The following FOXJ3 variants were observed in gnomAD, a reference collection of about 807,000 sequenced individuals.
The protein encoded by FOXJ3 is forkhead box protein J3.
In FOXJ3, 22 loss-of-function variants were observed where a neutral mutation model predicts 76.1. The observed-to-expected ratio is 0.29, with a 90% CI of 0.21 to 0.41. The LOEUF (loss-of-function observed/expected upper bound fraction) is 0.41. Ranked by LOEUF, FOXJ3 falls within the 10% of genes least tolerant of loss-of-function variation. The pLI, the probability that FOXJ3 is intolerant of heterozygous loss-of-function variation, is 1.00. For synonymous variants in FOXJ3, 269 were observed against 261.2 expected (o/e 1.03, Z -0.29); for missense variants, 613 against 762.1 (o/e 0.80, Z 2.30).
chr1:42,179,937 T>C, intron 12 of FOXJ3, 112 bp from the exon 13 acceptor site: 1 of 693,960 alleles, frequency 1.4e-6, no homozygotes, highest in Admixed American at 2.2e-5. Flanking sequence ...TCTCACTAAT[T>C]CAACCATAAG....
intron 2 of FOXJ3, among the ~76,000 whole-genome samples, chr1:42,279,122 A>G (rs1175537797): frequency 6.6e-6 from 1 of 152,190 alleles, no homozygotes; most frequent in East Asian, 1.9e-4. Context: ...CAAATTACCA[A>G]AAAGTAAGGT....
intron 4 of FOXJ3, among the ~76,000 whole-genome samples, chr1:42,230,815 G>C (rs1173590787): frequency 6.6e-6 from 1 of 151,966 alleles, no homozygotes; most frequent in African/African-American, 2.4e-5. Flanking sequence ...AAATTAAACA[G>C]AATTACCAAA....
intron 4 of FOXJ3, among the ~76,000 whole-genome samples, chr1:42,229,195 A>G (rs1044334598): frequency 6.6e-6 from 1 of 152,176 alleles, no homozygotes; most frequent in Non-Finnish European, 1.5e-5. Flanking sequence ...GCCATACCCA[A>G]GAATTCATCA....
rs538155379 is a variant in FOXJ3, at chr1:42,270,058, G to C, written c.370-4869C>G. Among the ~76,000 whole-genome samples the C allele has an allele frequency of 2.0e-4, 31 of 152,254 alleles. No individual in the cohort carries two copies. In the South Asian group the frequency reaches 5.6e-3, roughly 28 times the overall value. ...AGCCCCCAAAGACTCTTCATGATCT[G>C]ACCCTATCTTGCTTTCAACATTCAT... On this transcript the variant is annotated intron_variant, in intron 3 of 12. Coordinates refer to ENST00000361346, the MANE Select transcript of FOXJ3 (RefSeq NM_014947.5).
In FOXJ3 at chr1:42,179,049, A is replaced by T. The variant is rs1377856493; in HGVS notation, c.*661T>A. 2.6e-5 allele frequency: 4 copies of T among 152,620 alleles called. No homozygotes were observed. The highest frequency in any genetic ancestry group is 5.9e-5 in the Non-Finnish European group (4 of 68,046). 9.5% of individuals were successfully genotyped at this position (152,620 alleles called of 1,614,324 possible). ...AATACTCTATGATCCCCCAAGCATC[A>T]AAACCAATTTGGTCAGTTCTTCATG... On this transcript the variant is annotated 3_prime_UTR_variant, in exon 13 of 13. Coordinates refer to ENST00000361346, the MANE Select transcript of FOXJ3 (RefSeq NM_014947.5).
At chr1:42,221,793 C>T (rs1016847170) in intron 5 of FOXJ3, among the ~76,000 whole-genome samples, 1 of 149,404 alleles carries the variant, frequency 6.7e-6, no homozygotes, top group Non-Finnish European at 1.5e-5. Flanking sequence ...GCTTGCAAGC[C>T]CAAATTAAAA....
At chr1:42,287,826 T>G (rs978913275) in intron 2 of FOXJ3, among the ~76,000 whole-genome samples, 1 of 152,072 alleles carries the variant, frequency 6.6e-6, no homozygotes, top group Non-Finnish European at 1.5e-5. Flanking sequence ...TAGTCAAGTG[T>G]GGTAGTGTGT....
chr1:42,231,090 G>A (rs567473190), intron 4 of FOXJ3, among the ~76,000 whole-genome samples: 205 of 152,076 alleles, frequency 1.3e-3, no homozygotes, highest in African/African-American at 4.1e-3. Context: ...CAAGGCAGGC[G>A]GATCACAAGG....
rs1385627912 is a variant in FOXJ3 at position 42,257,463 on chromosome 1, C to T, written c.444+7652G>A. Among the ~76,000 whole-genome samples, 8 of 152,150 alleles carry T rather than the reference C, an allele frequency of 5.3e-5. 1 individual carries two copies. The South Asian group carries it at 8.3e-4, about 16-fold the overall frequency. On this transcript the variant is annotated intron_variant, in intron 4 of 12. Transcript: ENST00000361346. ...GTGCACAGCGGCTCACACCTGTAAT[C>T]TCAGCACTTTGGGAGGCCAACGCGG...
At chr1:42,266,579 C>T (rs1182871439) in intron 3 of FOXJ3, among the ~76,000 whole-genome samples, 1 of 152,078 alleles carries the variant, frequency 6.6e-6, no homozygotes, top group African/African-American at 2.4e-5. Context: ...GGGGCTGTCA[C>T]TTTAGAGCAA....
intron 6 of FOXJ3, among the ~76,000 whole-genome samples, chr1:42,201,324 A>G (rs1407513275): frequency 1.3e-5 from 2 of 152,226 alleles, no homozygotes; most frequent in Non-Finnish European, 2.9e-5. Context: ...TCCATACCTC[A>G]AAGAGAAAGT....
At chr1:42,260,780 A>G (rs1650972916) in intron 4 of FOXJ3, among the ~76,000 whole-genome samples, 1 of 152,218 alleles carries the variant, frequency 6.6e-6, no homozygotes, top group Non-Finnish European at 1.5e-5. Context: ...CTCTATGGTC[A>G]CTGAGGCTTT....
intron 1 of FOXJ3, among the ~76,000 whole-genome samples, chr1:42,320,912 T>A (rs1032815804): frequency 9.2e-5 from 14 of 152,168 alleles, no homozygotes; most frequent in African/African-American, 3.1e-4. Context: ...GGCATTTGAT[T>A]CATGTGCTTT....
At chr1:42,295,869 T>C (rs1198960785) in intron 2 of FOXJ3, among the ~76,000 whole-genome samples, 2 of 152,204 alleles carry the variant, frequency 1.3e-5, no homozygotes, top group Non-Finnish European at 2.9e-5. Context: ...TTTGGGCAGA[T>C]ACCCCCAGTA....
At chr1:42,285,138 T>C (rs1192242505) in intron 2 of FOXJ3, among the ~76,000 whole-genome samples, 1 of 152,154 alleles carries the variant, frequency 6.6e-6, no homozygotes, top group Non-Finnish European at 1.5e-5. Context: ...AGTTCAGGGG[T>C]ACATTTGCAG....
intron 2 of FOXJ3, among the ~76,000 whole-genome samples, chr1:42,289,814 A>G (rs1331254810): frequency 6.6e-6 from 1 of 152,184 alleles, no homozygotes; most frequent in African/African-American, 2.4e-5. Flanking sequence ...GATCATAAAT[A>G]CATTCTATCT....
At chr1:42,335,508 C>G (rs1656445396), upstream of FOXJ3, 1 of 152,332 alleles carries the variant, frequency 6.6e-6, no homozygotes, top group African/African-American at 2.4e-5. Flanking sequence ...GGCAACCCCG[C>G]AGTTGAGGAC....
chr1:42,262,865 T>C (rs1557683296), intron 4 of FOXJ3, among the ~76,000 whole-genome samples: 1 of 151,946 alleles, frequency 6.6e-6, no homozygotes. Context: ...AACAAACAAA[T>C]AAACAAACAA....
chr1:42,229,398 A>G (rs1036747337), intron 4 of FOXJ3, among the ~76,000 whole-genome samples: 2 of 152,202 alleles, frequency 1.3e-5, no homozygotes, highest in Non-Finnish European at 2.9e-5. Flanking sequence ...CTCAATTAAC[A>G]TCTGTCGAAA....
Sources: gnomAD v4.1 joint callset for allele counts (sites outside exome capture counted in the v4.1 genomes callset) on GRCh38, gnomAD v4.1.1 for gene constraint, MANE v1.5 for transcripts, NCBI Gene and HGNC (gene_info 2026-07-23, HGNC 2026-07-21) for gene names.